The following DHX9 variants were observed in gnomAD, a reference collection of about 807,000 sequenced individuals.
The protein encoded by DHX9 is ATP-dependent RNA helicase A.
Under a neutral mutation model 148.7 loss-of-function variants are expected in DHX9, and 27 were observed. That is an observed-to-expected ratio of 0.18 (90% CI 0.13 to 0.25). The LOEUF (loss-of-function observed/expected upper bound fraction) is 0.25. Ranked by LOEUF, DHX9 falls within the 10% of genes least tolerant of loss-of-function variation. DHX9 has a pLI of 1.00. For missense variants in DHX9, 796 were observed against 1,559.6 expected (o/e 0.51, Z 8.25); for synonymous variants, 529 against 516.6 (o/e 1.02, Z -0.33).
intron 7 of DHX9, among the ~76,000 whole-genome samples, chr1:182,857,411 G>T (rs1013224280): frequency 1.3e-5 from 2 of 152,190 alleles, no homozygotes; most frequent in African/African-American, 4.8e-5. Context: ...TTAATGCTAA[G>T]GTCAGCAAAC....
At chr1:182,884,929 G>GCTCT in intron 27 of DHX9, 116 bp downstream of exon 27, 20 of 888,002 alleles carry the variant, frequency 2.3e-5, no homozygotes, top group Non-Finnish European at 3.6e-5. Flanking sequence ...TCTAGATATA[G>GCTCT]ATAGAGCTAT....
intron 16 of DHX9, chr1:182,875,264 T>G (rs1174579901): frequency 4.4e-6 from 2 of 454,692 alleles, no homozygotes; most frequent in Non-Finnish European, 8.8e-6. Flanking sequence ...CTACTCAAAG[T>G]TTTTCAGTAG....
At chr1:182,842,911 G>A (rs965051934) in intron 2 of DHX9, among the ~76,000 whole-genome samples, 1 of 152,182 alleles carries the variant, frequency 6.6e-6, no homozygotes, top group African/African-American at 2.4e-5. Context: ...CTCAGTACCA[G>A]TAGTGGGGAT....
intron 12 of DHX9, among the ~76,000 whole-genome samples, chr1:182,863,344 C>T (rs1448747216): frequency 6.6e-6 from 1 of 152,110 alleles, no homozygotes; most frequent in Non-Finnish European, 1.5e-5. Context: ...TACTAGAATG[C>T]AGCAGGAAAA....
At chr1:182,880,648 A>T (rs1335971005) in intron 22 of DHX9, 40 bp downstream of exon 22, 1 of 1,331,346 alleles carries the variant, frequency 7.5e-7, no homozygotes, top group Non-Finnish European at 1.1e-6. Flanking sequence ...AAGTGGCAGA[A>T]TAATTTCAGA....
chr1:182,843,504 C>T (rs1342016654), intron 3 of DHX9, 70 bp downstream of exon 3: 6 of 1,316,998 alleles, frequency 4.6e-6, no homozygotes, highest in Middle Eastern at 2.0e-4. Flanking sequence ...GCGTAAGAGA[C>T]TCAAGATAGT....
chr1:182,841,285 C>T (rs1338252275), intron 1 of DHX9, among the ~76,000 whole-genome samples: 1 of 148,232 alleles, frequency 6.7e-6, no homozygotes, highest in Non-Finnish European at 1.5e-5. Context: ...AACGAGACTC[C>T]GTCTCAAAAA....
chr1:182,844,171 C>G (rs1667983626), intron 3 of DHX9, among the ~76,000 whole-genome samples: 1 of 152,208 alleles, frequency 6.6e-6, no homozygotes, highest in South Asian at 2.1e-4. Flanking sequence ...TGGTCTTGAA[C>G]TCCTGACCTC....
Position 182,852,204 on chromosome 1 carries a change from G to T in DHX9, c.253-29G>T. ...TAGTCCCCGTGAAGGCAAAAGCACT[G>T]ACAGCTGCCTTGACTTTTTCTTTTG... On this transcript the variant is annotated intron_variant, in intron 3 of 27. Transcript: ENST00000367549. The T allele has an allele frequency of 2.0e-6, 3 of 1,521,660 alleles. No homozygotes were observed. In the South Asian group the frequency reaches 3.5e-5, roughly 18 times the overall value. 94.3% of individuals were successfully genotyped at this position (1,521,660 alleles called of 1,614,324 possible). A position where few individuals can be genotyped will look rare whatever the true frequency, so the allele number is the denominator to read the frequency against.
At chr1:182,843,757 G>T (rs1450136919) in intron 3 of DHX9, among the ~76,000 whole-genome samples, 1 of 152,038 alleles carries the variant, frequency 6.6e-6, no homozygotes, top group African/African-American at 2.4e-5. Context: ...AAATAAAATA[G>T]AAAAATCAGT....
intron 1 of DHX9, 109 bp downstream of exon 1, chr1:182,839,565 G>A (rs962313263): frequency 1.3e-5 from 2 of 152,840 alleles, no homozygotes; most frequent in East Asian, 3.8e-4. Flanking sequence ...CGGCGGCGGC[G>A]GCTGGGGGTG....
At position 182,841,729 on chromosome 1, in the gene DHX9, T is replaced by C. The variant is rs1451259488; in HGVS notation, c.-22-816T>C. On this transcript the variant is annotated intron_variant, in intron 1 of 27. Coordinates refer to ENST00000367549, the MANE Select transcript of DHX9 (RefSeq NM_001357.5). The stretch of plus-strand genomic sequence containing the variant: ...AATTCATAGCATATTTTATTTTCTC[T>C]GGTTATAAATGTGGTCTCATATCTT... Among the ~76,000 whole-genome samples the C allele has an allele frequency of 2.0e-5, 3 of 152,376 alleles. No homozygotes were observed. In the East Asian group the frequency reaches 5.8e-4, roughly 29 times the overall value.
Position 182,845,430 on chromosome 1 carries a change from A to G in DHX9, c.252+1996A>G, listed in dbSNP as rs202135096. On this transcript the variant is annotated intron_variant, in intron 3 of 27. Transcript: ENST00000367549. Reference sequence around the variant, plus strand: ...TTTCCCTCTTTTGGTATGTAAGTGGAAAAAAAAAAAAACAATTTTCCTCTT... The same window carrying G: ...TTTCCCTCTTTTGGTATGTAAGTGGGAAAAAAAAAAAACAATTTTCCTCTT... Among the ~76,000 whole-genome samples the G allele has an allele frequency of 2.6e-4, 25 of 97,754 alleles. No homozygotes were observed. In the South Asian group the frequency reaches 4.6e-3, roughly 18 times the overall value. 64.1% of individuals were successfully genotyped at this position (97,754 alleles called of 152,430 possible). A position where few individuals can be genotyped will look rare whatever the true frequency, so the allele number is the denominator to read the frequency against.
At chr1:182,843,493 T>C (rs893702886) in intron 3 of DHX9, 59 bp downstream of exon 3, 25 of 1,389,880 alleles carry the variant, frequency 1.8e-5, no homozygotes, top group Non-Finnish European at 2.4e-5. Flanking sequence ...AAACTCAATA[T>C]GCGTAAGAGA....
In DHX9 at chr1:182,856,596, C is replaced by T. The variant is rs372998956; in HGVS notation, c.673+18C>T. On this transcript the variant is annotated intron_variant, in intron 7 of 27. Coordinates refer to ENST00000367549, the MANE Select transcript of DHX9 (RefSeq NM_001357.5). ...GGGCAGAAGTAAGTGTTACTGTTTC[C>T]CCAATATTCCAAGTCTCTGTATAGA... is the stretch of plus-strand genomic sequence containing the variant. 10 of 1,611,178 alleles carry T rather than the reference C, an allele frequency of 6.2e-6. No homozygotes were observed. The African/African-American group carries it at 1.2e-4, about 19-fold the overall frequency.
intron 1 of DHX9, among the ~76,000 whole-genome samples, chr1:182,840,182 G>C (rs749549842): frequency 2.0e-4 from 31 of 152,118 alleles, no homozygotes; most frequent in Non-Finnish European, 2.4e-4. Flanking sequence ...GTGCAGTAGT[G>C]GTGGCAGGAG....
intron 7 of DHX9, among the ~76,000 whole-genome samples, chr1:182,857,787 CTA>C (rs1668282992): frequency 6.6e-6 from 1 of 152,224 alleles, no homozygotes. Context: ...TCTTTTCAAA[CTA>C]TGTTTTCTTC....
intron 7 of DHX9, 90 bp downstream of exon 7, chr1:182,856,668 G>A (rs1001696588): frequency 1.8e-6 from 2 of 1,127,222 alleles, no homozygotes; most frequent in African/African-American, 1.6e-5. Context: ...TACAGAAGCT[G>A]TATTATTTGA....
intron 20 of DHX9, 59 bp from the exon 21 acceptor site, chr1:182,879,191 T>C: frequency 1.0e-5 from 14 of 1,342,414 alleles, no homozygotes; most frequent in East Asian, 2.5e-5. Flanking sequence ...CTGCAAAAAG[T>C]TTATTAACAT....
Sources: allele counts gnomAD v4.1 joint callset (sites outside exome capture counted in the v4.1 genomes callset), GRCh38; gene constraint gnomAD v4.1.1; transcripts MANE v1.5; gene names NCBI Gene and HGNC (gene_info 2026-07-23, HGNC 2026-07-21).